The following DNASE2B variants were observed in gnomAD, a reference collection of about 807,000 sequenced individuals.
DNASE2B encodes the protein deoxyribonuclease-2-beta.
Under a neutral mutation model 46.0 loss-of-function variants are expected in DNASE2B, and 43 were observed. The ratio of observed to expected loss-of-function variants is 0.94; its 90% confidence interval spans 0.73 to 1.21. The LOEUF (loss-of-function observed/expected upper bound fraction) is 1.21. Among genes scored for constraint, DNASE2B ranks in the 50% most tolerant of loss-of-function variants. The pLI is 0.00. For synonymous variants in DNASE2B, 156 were observed against 152.5 expected, an observed-to-expected ratio of 1.02 and a Z score of -0.17; for missense variants, 395 against 414.4, an observed-to-expected ratio of 0.95 and a Z score of 0.41.
chr1:84,399,768 AG>A (rs1390685680), intron 1 of DNASE2B, among the ~76,000 whole-genome samples: 3 of 152,164 alleles, frequency 2.0e-5, no homozygotes, highest in Non-Finnish European at 4.4e-5. Flanking sequence ...GGGACAGCCA[AG>A]GGGTCTGTGT....
intron 3 of DNASE2B, among the ~76,000 whole-genome samples, chr1:84,409,388 G>A (rs182949555): frequency 6.6e-6 from 1 of 152,190 alleles, no homozygotes; most frequent in Non-Finnish European, 1.5e-5. Flanking sequence ...GCCTGATACG[G>A]ACACAATTTT....
intron 5 of DNASE2B, among the ~76,000 whole-genome samples, chr1:84,413,792 C>A (rs1277162287): frequency 6.6e-6 from 1 of 152,218 alleles, no homozygotes; most frequent in South Asian, 2.1e-4. Context: ...TCAAGTTCAA[C>A]ATGCCAAACT....
rs141362863 is a variant in DNASE2B at position 84,401,137 on chromosome 1, C to T, written c.126-764C>T. ...GTTCTCAACCGAGGGTAATTTTGCC[C>T]TCAGAGGATTTTTGATAATGTCTGG... On this transcript the variant is annotated intron_variant, in intron 1 of 5. Transcript: ENST00000370665. 2.3e-4 allele frequency among the ~76,000 whole-genome samples: 35 copies of T among 152,230 alleles called. No individual in the cohort carries two copies. The East Asian group carries it at 3.1e-3, about 13-fold the overall frequency.
chr1:84,412,316 T>A (rs747746981), intron 4 of DNASE2B, 33 bp from the exon 5 acceptor site: 6 of 1,467,544 alleles, frequency 4.1e-6, no homozygotes, highest in Middle Eastern at 3.6e-4. Context: ...TGTGTCTTAA[T>A]TCTCAACTTT....
chr1:84,398,901 C>T (rs1305105333), intron 1 of DNASE2B, among the ~76,000 whole-genome samples: 1 of 152,230 alleles, frequency 6.6e-6, no homozygotes, highest in African/African-American at 2.4e-5. Flanking sequence ...AGCAGCCCCT[C>T]TTGGGCCTGA....
chr1:84,406,529 G>T (rs542483248), intron 2 of DNASE2B, among the ~76,000 whole-genome samples: 5 of 152,266 alleles, frequency 3.3e-5, no homozygotes, highest in African/African-American at 1.2e-4. Flanking sequence ...CTGGGGTAAG[G>T]CCTTATGGTG....
intron 4 of DNASE2B, among the ~76,000 whole-genome samples, chr1:84,411,608 A>G (rs914336003): frequency 1.3e-5 from 2 of 152,158 alleles, no homozygotes; most frequent in African/African-American, 4.8e-5. Flanking sequence ...TGAGCCAGAT[A>G]ATCTCCTTTT....
intron 4 of DNASE2B, among the ~76,000 whole-genome samples, chr1:84,411,936 T>C (rs1021317082): frequency 1.3e-5 from 2 of 152,178 alleles, no homozygotes; most frequent in East Asian, 1.9e-4. Flanking sequence ...TATGTATATG[T>C]ACATTTAGAA....
intron 1 of DNASE2B, among the ~76,000 whole-genome samples, chr1:84,399,354 A>G (rs1026011629): frequency 6.6e-6 from 1 of 152,232 alleles, no homozygotes; most frequent in Non-Finnish European, 1.5e-5. Context: ...TGTAAACTTC[A>G]GGCTACAGAA....
At position 84,412,367 on chromosome 1, in the gene DNASE2B, G is replaced by T; in HGVS notation, c.566G>T (p.Cys189Phe). Residue 189 changes from cysteine to phenylalanine, a missense_variant, in exon 5 of 6, where the codon TGC becomes TTC. Transcript: ENST00000370665. ...GATTCAGATTCTCAGCTCTTGGTCT[G>T]CAACCCCAACGTCTATAGCTGCTCC... ...YEAIDSQLLV[C>F]NPNVYSCSIP... The T allele has an allele frequency of 1.9e-6, 3 of 1,554,956 alleles. No homozygotes were observed. Among genetic ancestry groups the T allele is most frequent in the South Asian group, 1.2e-5 (1 of 81,546 alleles).
intron 1 of DNASE2B, 92 bp from the exon 2 acceptor site, chr1:84,401,809 A>G: frequency 9.9e-7 from 1 of 1,007,710 alleles, no homozygotes; most frequent in Non-Finnish European, 1.4e-6. Flanking sequence ...CATGAAACAG[A>G]AATGAGAGAT....
rs1680664965 is a variant in DNASE2B at position 84,414,726 on chromosome 1, C to T, written c.944C>T (p.Thr315Ile). Residue 315 changes from threonine to isoleucine, a missense_variant, in exon 6 of 6, where the codon ACC (threonine) becomes ATC (isoleucine). By Grantham distance (89) the Thr-to-Ile change is moderately conservative (BLOSUM62 -1). Coordinates refer to ENST00000370665, the MANE Select transcript of DNASE2B (RefSeq NM_021233.3). ...HAKWCISQKG[T>I]KNRWTCIGDL... ...AAGTGGTGTATTTCCCAAAAGGGCA[C>T]CAAAAATCGCTGGACATGTATTGGA... 7 of 1,614,176 alleles carry T rather than the reference C, an allele frequency of 4.3e-6. No individual in the cohort carries two copies. The East Asian group carries it at 1.3e-4, about 31-fold the overall frequency.
chr1:84,405,653 C>A (rs1270445588), intron 2 of DNASE2B, among the ~76,000 whole-genome samples: 3 of 152,170 alleles, frequency 2.0e-5, no homozygotes, highest in Non-Finnish European at 4.4e-5. Context: ...TGTGAGAGAT[C>A]ACTTTTGACT....
At chr1:84,404,172 T>C (rs1393572523) in intron 2 of DNASE2B, among the ~76,000 whole-genome samples, 3 of 152,130 alleles carry the variant, frequency 2.0e-5, no homozygotes, top group East Asian at 3.9e-4. Flanking sequence ...ACCTCTTCTA[T>C]GTCTTCTTGC....
In DNASE2B at chr1:84,410,995, A is replaced by C. The variant is rs1240638992; in HGVS notation, c.543A>C (p.Ala181=). 3.1e-6 allele frequency: 5 copies of C among 1,604,272 alleles called. No individual in the cohort carries two copies. In the African/African-American group the frequency reaches 5.4e-5, roughly 17 times the overall value. Residue 181 remains alanine, a synonymous_variant, in exon 4 of 6, where the codon GCA becomes GCC. Transcript: ENST00000370665. The part of the protein sequence containing the change: ...CITFKYNQYE[A]IDSQLLVCNP... ...CTTTCAAGTACAACCAGTATGAGGC[A>C]ATAGGTAAAACTAAAGTATGTGAGA... is the stretch of plus-strand genomic sequence containing the variant.
chr1:84,408,001 T>G (rs1680518965), intron 2 of DNASE2B, among the ~76,000 whole-genome samples: 1 of 152,150 alleles, frequency 6.6e-6, no homozygotes, highest in Non-Finnish European at 1.5e-5. Context: ...GAAAATCAGA[T>G]CCTGACAGCC....
Position 84,410,865 on chromosome 1 carries a change from G to C in DNASE2B, c.413G>C (p.Gly138Ala), listed in dbSNP as rs201348404. The C allele has an allele frequency of 6.2e-7, 1 of 1,613,484 alleles. No individual in the cohort carries two copies. Among genetic ancestry groups the C allele is most frequent in the South Asian group, 1.1e-5 (1 of 90,972 alleles). Reference sequence around the variant, plus strand: ...TTACTGCTGTGGAACAGAGTTCAAGGGTTCTGGCTGATTCATTCCATCCCT... The same window carrying C: ...TTACTGCTGTGGAACAGAGTTCAAGCGTTCTGGCTGATTCATTCCATCCCT... Reference protein sequence around the residue: ...KGLLLWNRVQGFWLIHSIPQF... With the variant: ...KGLLLWNRVQAFWLIHSIPQF... The change falls in exon 4 of 6, where the codon GGG becomes GCG. Residue 138 changes from glycine (G) to alanine (A), a missense_variant. By Grantham distance (60) the Gly-to-Ala change is moderately conservative. Coordinates refer to ENST00000370665, the MANE Select transcript of DNASE2B (RefSeq NM_021233.3).
chr1:84,408,265 C>T, intron 2 of DNASE2B, 172 bp from the exon 3 acceptor site: 1 of 1,092,458 alleles, frequency 9.2e-7, no homozygotes, highest in Non-Finnish European at 1.2e-6. Context: ...TTTCCCCTGT[C>T]TTTCATGTCA....
intron 2 of DNASE2B, among the ~76,000 whole-genome samples, chr1:84,403,754 A>C (rs1368212419): frequency 6.6e-6 from 1 of 151,862 alleles, no homozygotes; most frequent in Non-Finnish European, 1.5e-5. Flanking sequence ...GTATCACAGA[A>C]GGGTTCATGT....
Sources: allele counts gnomAD v4.1 joint callset (sites outside exome capture counted in the v4.1 genomes callset), GRCh38; gene constraint gnomAD v4.1.1; transcripts MANE v1.5; gene names NCBI Gene and HGNC (gene_info 2026-07-23, HGNC 2026-07-21).